LMX1A: variants seen among roughly 807,000 people sequenced by gnomAD.
LMX1A encodes the protein LIM homeobox transcription factor 1-alpha.
A neutral mutation model predicts 49.1 loss-of-function variants in LMX1A; 15 were observed. That is an observed-to-expected ratio of 0.31 (90% CI 0.20 to 0.47). LMX1A has a LOEUF of 0.47. Ranked by LOEUF, LMX1A falls within the 20% of genes least tolerant of loss-of-function variation. The probability of loss-of-function intolerance (pLI) is 1.00; values close to 1 mark genes in which losing one functional copy is unlikely to be tolerated. For synonymous variants in LMX1A, 167 were observed against 185.7 expected, an observed-to-expected ratio of 0.90 and a Z score of 0.82; for missense variants, 372 against 475.8, an observed-to-expected ratio of 0.78 and a Z score of 2.03.
At chr1:165,273,738 T>A (rs1461337580) in intron 3 of LMX1A, among the ~76,000 whole-genome samples, 1 of 152,190 alleles carries the variant, frequency 6.6e-6, no homozygotes, top group African/African-American at 2.4e-5. Flanking sequence ...ATAAGTCTAA[T>A]ATCTAGTTGG....
intron 3 of LMX1A, among the ~76,000 whole-genome samples, chr1:165,289,356 A>G (rs1654396176): frequency 6.6e-6 from 1 of 152,114 alleles, no homozygotes. Context: ...TGATATGAGC[A>G]TTCTAGCATG....
intron 3 of LMX1A, among the ~76,000 whole-genome samples, chr1:165,270,165 G>A (rs938342105): frequency 2.6e-5 from 4 of 152,142 alleles, no homozygotes; most frequent in Non-Finnish European, 1.5e-5. Flanking sequence ...TTAAAGTAAG[G>A]CAAAAGTGGG....
At chr1:165,247,116 C>T (rs1035911181) in intron 4 of LMX1A, among the ~76,000 whole-genome samples, 1 of 117,714 alleles carries the variant, frequency 8.5e-6, no homozygotes, top group Non-Finnish European at 1.6e-5. Context: ...CCACTAATGC[C>T]TCTTATTGAT....
intron 3 of LMX1A, among the ~76,000 whole-genome samples, chr1:165,290,193 G>A (rs1302871355): frequency 1.3e-5 from 2 of 152,192 alleles, no homozygotes; most frequent in Admixed American, 1.3e-4. Context: ...TATGGTCACT[G>A]TAACAAATTA....
In LMX1A at chr1:165,254,250, T is replaced by A. The variant is rs578105805; in HGVS notation, c.264-4610A>T. Among the ~76,000 whole-genome samples, 5 of 152,170 alleles carry A rather than the reference T, an allele frequency of 3.3e-5. 1 individual carries two copies. Among genetic ancestry groups the A allele is most frequent in the Admixed American group, 2.6e-4 (4 of 15,268 alleles). On this transcript the variant is annotated intron_variant, in intron 3 of 8. Transcript: ENST00000342310. ...TAATTTCATCCCCCACTCCAAAAAT[T>A]TCCCCCAAGTTGGAGAAGGGAGGGT...
intron 3 of LMX1A, among the ~76,000 whole-genome samples, chr1:165,318,504 G>A (rs1655286013): frequency 6.6e-6 from 1 of 152,080 alleles, no homozygotes; most frequent in Non-Finnish European, 1.5e-5. Flanking sequence ...CAAGCCATTT[G>A]CTCGTAAGCT....
At chr1:165,354,438 C>T (rs1571240503) in intron 2 of LMX1A, among the ~76,000 whole-genome samples, 1 of 152,206 alleles carries the variant, frequency 6.6e-6, no homozygotes, top group African/African-American at 2.4e-5. Flanking sequence ...AAGCGACGCC[C>T]GCTGTATACA....
chr1:165,289,681 A>G (rs926106691), intron 3 of LMX1A, among the ~76,000 whole-genome samples: 12 of 152,240 alleles, frequency 7.9e-5, no homozygotes, highest in African/African-American at 2.4e-4. Flanking sequence ...GGAGTCAGAG[A>G]GCTGAGTCTG....
intron 4 of LMX1A, among the ~76,000 whole-genome samples, chr1:165,235,970 G>C (rs1234521855): frequency 6.6e-6 from 1 of 152,218 alleles, no homozygotes. Context: ...TGCGCGCGGG[G>C]GCTTCAGGCA....
intron 3 of LMX1A, among the ~76,000 whole-genome samples, chr1:165,342,225 T>C (rs1656097546): frequency 6.6e-6 from 1 of 152,168 alleles, no homozygotes; most frequent in African/African-American, 2.4e-5. Context: ...CAGCCTCCAC[T>C]GGGGGCACAG....
At chr1:165,286,540 C>T (rs991912098) in intron 3 of LMX1A, among the ~76,000 whole-genome samples, 1 of 152,188 alleles carries the variant, frequency 6.6e-6, no homozygotes, top group African/African-American at 2.4e-5. Flanking sequence ...CTCTGTGCCT[C>T]AGTTTCCCCT....
intron 4 of LMX1A, among the ~76,000 whole-genome samples, chr1:165,243,057 G>A (rs758306866): frequency 3.3e-5 from 5 of 151,848 alleles, no homozygotes; most frequent in African/African-American, 7.3e-5. Flanking sequence ...AATGTCTATC[G>A]TTCAGTTGAG....
chr1:165,339,050 T>G (rs1655985323), intron 3 of LMX1A, among the ~76,000 whole-genome samples: 1 of 152,190 alleles, frequency 6.6e-6, no homozygotes, highest in Non-Finnish European at 1.5e-5. Flanking sequence ...CTGCAATAAA[T>G]GGGATCATCT....
intron 3 of LMX1A, among the ~76,000 whole-genome samples, chr1:165,332,675 T>G (rs997598709): frequency 1.3e-5 from 2 of 152,156 alleles, no homozygotes; most frequent in Non-Finnish European, 2.9e-5. Flanking sequence ...AGCAAACACA[T>G]CCACCGTTGC....
chr1:165,221,779 C>G (rs1254047915), intron 4 of LMX1A, among the ~76,000 whole-genome samples: 1 of 152,128 alleles, frequency 6.6e-6, no homozygotes, highest in Non-Finnish European at 1.5e-5. Context: ...TTGTGCTTGG[C>G]AGGTATTCAG....
intron 4 of LMX1A, among the ~76,000 whole-genome samples, chr1:165,221,295 T>TTGAC (rs1478505473): frequency 6.6e-6 from 1 of 152,054 alleles, no homozygotes; most frequent in Non-Finnish European, 1.5e-5. Flanking sequence ...GGGTGAAAGG[T>TTGAC]TGACCCTGAG....
At chr1:165,257,636 A>T (rs750891677) in intron 3 of LMX1A, among the ~76,000 whole-genome samples, 4 of 152,192 alleles carry the variant, frequency 2.6e-5, no homozygotes, top group Non-Finnish European at 5.9e-5. Flanking sequence ...ATCTTGCTGG[A>T]ACCCCATTCC....
intron 4 of LMX1A, among the ~76,000 whole-genome samples, chr1:165,229,081 C>T (rs1435434940): frequency 6.6e-6 from 1 of 151,896 alleles, no homozygotes. Flanking sequence ...ATATCAGCTG[C>T]CTTTAATTTA....
intron 3 of LMX1A, among the ~76,000 whole-genome samples, chr1:165,296,613 TA>T: frequency 6.6e-6 from 1 of 152,358 alleles, no homozygotes; most frequent in East Asian, 1.9e-4. Flanking sequence ...TTCATACCTC[TA>T]GTGTGGTATA....
Sources: allele counts gnomAD v4.1 joint callset (sites outside exome capture counted in the v4.1 genomes callset), GRCh38; gene constraint gnomAD v4.1.1; transcripts MANE v1.5; gene names NCBI Gene and HGNC (gene_info 2026-07-23, HGNC 2026-07-21).